SLC6A9: variants seen among roughly 807,000 people sequenced by gnomAD.
SLC6A9 encodes sodium- and chloride-dependent glycine transporter 1.
Under a neutral mutation model 70.9 loss-of-function variants are expected in SLC6A9, and 31 were observed. That is an observed-to-expected ratio of 0.44 (90% CI 0.33 to 0.59). SLC6A9 has a LOEUF of 0.59. Ranked by LOEUF, SLC6A9 falls within the 20% of genes least tolerant of loss-of-function variation. The probability of loss-of-function intolerance (pLI) is 0.04; values close to 1 mark genes in which losing one functional copy is unlikely to be tolerated. For missense variants in SLC6A9, 631 were observed against 845.2 expected (o/e 0.75, Z 3.14); for synonymous variants, 310 against 341.3 (o/e 0.91, Z 1.01).
intron 1 of SLC6A9, among the ~76,000 whole-genome samples, chr1:44,026,033 A>C (rs1343942944): frequency 1.3e-5 from 2 of 152,264 alleles, no homozygotes; most frequent in Non-Finnish European, 2.9e-5. Flanking sequence ...TATGCAAATC[A>C]GGCCTTGGCA....
chr1:44,011,244 C>T (rs2086556430), intron 2 of SLC6A9, among the ~76,000 whole-genome samples: 2 of 152,328 alleles, frequency 1.3e-5, no homozygotes, highest in Admixed American at 6.5e-5. Flanking sequence ...CTGGGAGCAG[C>T]TGAGCCTCAT....
chr1:44,011,816 G>C (rs2086582692), intron 2 of SLC6A9: 1 of 1,300,062 alleles, frequency 7.7e-7, no homozygotes, highest in South Asian at 1.3e-5. Context: ...TGGTGGCCTG[G>C]GCCCCACTGA....
intron 12 of SLC6A9, 88 bp from the exon 13 acceptor site, chr1:43,998,113 G>C: frequency 7.7e-7 from 1 of 1,292,716 alleles, no homozygotes; most frequent in Non-Finnish European, 1.1e-6. Flanking sequence ...TTTCCTCTCT[G>C]GTTTCCCAAA....
chr1:44,029,715 G>C (rs1421578987), intron 1 of SLC6A9, among the ~76,000 whole-genome samples: 1 of 152,144 alleles, frequency 6.6e-6, no homozygotes, highest in East Asian at 1.9e-4. Flanking sequence ...TGATTCTTCT[G>C]TGTCCCCAGA....
chr1:44,004,839 T>C (rs1308263346), intron 5 of SLC6A9, among the ~76,000 whole-genome samples: 1 of 152,188 alleles, frequency 6.6e-6, no homozygotes, highest in African/African-American at 2.4e-5. Flanking sequence ...ACCCAACGTA[T>C]TTACAAGTGA....
intron 12 of SLC6A9, among the ~76,000 whole-genome samples, chr1:43,998,975 C>A (rs1000009132): frequency 7.0e-5 from 2 of 28,404 alleles, no homozygotes; most frequent in African/African-American, 1.1e-4. Flanking sequence ...GAGGGCCTGG[C>A]GGGGGAAGGG....
chr1:44,028,999 C>T (rs2087040216), intron 1 of SLC6A9, among the ~76,000 whole-genome samples: 1 of 152,134 alleles, frequency 6.6e-6, no homozygotes. Context: ...TCTGCTGGTG[C>T]AGTGGGAGGA....
At chr1:44,003,617 G>A (rs916535365) in intron 5 of SLC6A9, among the ~76,000 whole-genome samples, 4 of 152,002 alleles carry the variant, frequency 2.6e-5, no homozygotes, top group Admixed American at 6.6e-5. Flanking sequence ...CCATGATGGC[G>A]GGTGCCTGTA....
In SLC6A9 at chr1:44,002,478, C is replaced by T. The variant is rs1375600265; in HGVS notation, c.858+34G>A. On this transcript the variant is annotated intron_variant, in intron 7 of 13. Coordinates refer to ENST00000372310, the MANE Select transcript of SLC6A9 (RefSeq NM_001024845.3). The surrounding 1 kb of genome is among the most constrained non-coding windows in gnomAD (Gnocchi z 5.5). ...AGAGGCAGGCACCTCCCTGGCCCCT[C>T]CCCAGCCCCCTTCCGGTTTCCCTCA... 6.2e-7 allele frequency: 1 copy of T among 1,613,888 alleles called. No individual in the cohort carries two copies. The highest frequency in any genetic ancestry group is 1.1e-5 in the South Asian group (1 of 91,086).
chr1:44,021,326 G>C (rs554723191), intron 2 of SLC6A9, among the ~76,000 whole-genome samples: 1 of 152,308 alleles, frequency 6.6e-6, no homozygotes, highest in Non-Finnish European at 1.5e-5. Flanking sequence ...AGGCGTGAGG[G>C]AGGCAGCTGA....
intron 2 of SLC6A9, among the ~76,000 whole-genome samples, chr1:44,021,290 G>A (rs1013233728): frequency 2.6e-5 from 4 of 151,928 alleles, no homozygotes; most frequent in Non-Finnish European, 4.4e-5. Context: ...CTGGGTTCTC[G>A]CACAGCCCTG....
intron 2 of SLC6A9, among the ~76,000 whole-genome samples, chr1:44,019,891 G>T (rs909379230): frequency 6.7e-6 from 1 of 149,246 alleles, no homozygotes; most frequent in Non-Finnish European, 1.5e-5. Context: ...GATGGGGGAG[G>T]GCTGCAGGGA....
chr1:44,022,306 T>A (rs781148918), intron 2 of SLC6A9, among the ~76,000 whole-genome samples: 1 of 152,122 alleles, frequency 6.6e-6, no homozygotes, highest in Non-Finnish European at 1.5e-5. Flanking sequence ...ACTCAGAGGT[T>A]TCATGGGGCT....
At chr1:43,999,348 G>T (rs554272822) in intron 12 of SLC6A9, among the ~76,000 whole-genome samples, 3 of 151,546 alleles carry the variant, frequency 2.0e-5, no homozygotes. Flanking sequence ...GAAGAGCCCC[G>T]CCCGCTGTGC....
At position 44,018,462 on chromosome 1, in the gene SLC6A9, C is replaced by CGG. The variant is rs2086816292; in HGVS notation, c.30+5785_30+5786insCC. Among the ~76,000 whole-genome samples the CGG allele has an allele frequency of 1.3e-5, 2 of 151,980 alleles. No individual in the cohort carries two copies. Among genetic ancestry groups the CGG allele is most frequent in the South Asian group, 4.1e-4 (2 of 4,820 alleles). ...ATACAAAATTAGCTGGGCGTGGTGG[C>CGG]ACATGCCTGTAATCCCAGCTACTCG... is the stretch of plus-strand genomic sequence containing the variant. On this transcript the variant is annotated intron_variant, in intron 2 of 13. Transcript: ENST00000372310. The surrounding 1 kb of genome is among the most constrained non-coding windows in gnomAD (Gnocchi z 4.2).
chr1:44,019,799 G>A (rs80059580), intron 2 of SLC6A9, among the ~76,000 whole-genome samples: 3,759 of 152,356 alleles, frequency 0.025, 100 homozygotes, highest in African/African-American at 0.068. Context: ...TGCTTCCAGA[G>A]GGGCAAGGAG....
In SLC6A9 at chr1:43,997,808, T is replaced by C. The variant is rs371195490; in HGVS notation, c.1707+47A>G. The C allele has an allele frequency of 6.3e-7, 1 of 1,588,892 alleles. No individual in the cohort carries two copies. The highest frequency in any genetic ancestry group is 8.6e-7 in the Non-Finnish European group (1 of 1,164,828). On this transcript the variant is annotated intron_variant, in intron 13 of 13. Transcript: ENST00000372310. The surrounding 1 kb of genome is among the most constrained non-coding windows in gnomAD (Gnocchi z 4.4). The stretch of plus-strand genomic sequence containing the variant: ...AGGGAGCCCTTAAGCCCCTTCCAGC[T>C]GGCCCCTCCCATTTTGCCTGGCTAC...
At chr1:43,999,005 C>T (rs975368728) in intron 12 of SLC6A9, among the ~76,000 whole-genome samples, 1 of 151,780 alleles carries the variant, frequency 6.6e-6, no homozygotes, top group Non-Finnish European at 1.5e-5. Context: ...TCCCAGCACC[C>T]TCCTCCTGAG....
chr1:44,002,180 G>T lies in SLC6A9; in HGVS notation c.962+133C>A. 1.5e-6 allele frequency: 1 copy of T among 674,466 alleles called. No homozygotes were observed. 41.8% of individuals were successfully genotyped at this position (674,466 alleles called of 1,614,324 possible). A position where few individuals can be genotyped will look rare whatever the true frequency, so the allele number is the denominator to read the frequency against. On this transcript the variant is annotated intron_variant, in intron 8 of 13. Transcript: ENST00000372310. This position sits in a 1 kb window ranked among gnomAD's most constrained non-coding sequence, Gnocchi z 5.5. Reference sequence around the variant, plus strand: ...CCTCATTCTCCAACAACTTTATCCAGAACCAGTATTCCCAGAACCTCAAGA... The same window carrying T: ...CCTCATTCTCCAACAACTTTATCCATAACCAGTATTCCCAGAACCTCAAGA...
Sources: allele counts gnomAD v4.1 joint callset (sites outside exome capture counted in the v4.1 genomes callset), GRCh38; gene constraint gnomAD v4.1.1; non-coding constraint Gnocchi (gnomAD v3.1); transcripts MANE v1.5; gene names NCBI Gene and HGNC (gene_info 2026-07-23, HGNC 2026-07-21).